The following ALMS1 variants were observed in gnomAD, a reference collection of about 807,000 sequenced individuals.
ALMS1 encodes the protein centrosome-associated protein ALMS1.
Under a neutral mutation model 352.2 loss-of-function variants are expected in ALMS1, and 271 were observed. The observed-to-expected ratio is 0.77, with a 90% CI of 0.70 to 0.85. The LOEUF is 0.85. ALMS1 is among the 40% of genes least tolerant of loss of function. ALMS1 has a pLI of 0.00. For synonymous variants in ALMS1, 1,865 were observed against 1,761.2 expected (o/e 1.06, Z -1.48); for missense variants, 5,445 against 4,870.7 (o/e 1.12, Z -3.51).
chr2:73,449,518 A>G lies in ALMS1; in HGVS notation c.2991A>G (p.Thr997=), dbSNP rs774887152. 1 of 1,614,072 alleles carries G rather than the reference A, an allele frequency of 6.2e-7. No homozygotes were observed. The change falls in exon 8 of 23, where the codon ACA becomes ACG. Residue 997 remains threonine, a synonymous_variant. Coordinates refer to ENST00000613296, the MANE Select transcript of ALMS1 (RefSeq NM_001378454.1). ...ACCAGAAGACTGTCCCAACACCAAC[A>G]GTACCTTCAGGTTCCTTCTCACATA... ...LTDQKTVPTP[T]VPSGSFSHRE...
chr2:73,511,447 G>A (rs951190350), intron 10 of ALMS1, among the ~76,000 whole-genome samples: 24 of 151,912 alleles, frequency 1.6e-4, no homozygotes, highest in Admixed American at 9.2e-4. Flanking sequence ...TGTGCTTCCC[G>A]AATGAGGCGA....
At chr2:73,440,661 G>T (rs1483600496) in intron 7 of ALMS1, among the ~76,000 whole-genome samples, 1 of 152,136 alleles carries the variant, frequency 6.6e-6, no homozygotes, top group Non-Finnish European at 1.5e-5. Context: ...CTGACCTTAA[G>T]TGATCCACCC....
chr2:73,397,807 A>C (rs1572898825), intron 1 of ALMS1, among the ~76,000 whole-genome samples: 1 of 152,164 alleles, frequency 6.6e-6, no homozygotes, highest in Admixed American at 6.5e-5. Context: ...TCACAGCCAC[A>C]TTGAATGGGC....
chr2:73,541,666 T>TA (rs1467999794), intron 12 of ALMS1, among the ~76,000 whole-genome samples: 1 of 151,762 alleles, frequency 6.6e-6, no homozygotes. Context: ...ATAGACGCAA[T>TA]AAAAAATGAT....
chr2:73,393,497 T>C (rs1488269829), intron 1 of ALMS1, among the ~76,000 whole-genome samples: 1 of 152,158 alleles, frequency 6.6e-6, no homozygotes, highest in Non-Finnish European at 1.5e-5. Flanking sequence ...TTTTAGTGTA[T>C]CCATCACTGG....
At chr2:73,417,578 A>G (rs1553399767) in intron 2 of ALMS1, among the ~76,000 whole-genome samples, 1 of 152,036 alleles carries the variant, frequency 6.6e-6, no homozygotes, top group Non-Finnish European at 1.5e-5. Flanking sequence ...ATATAAAGAA[A>G]TTTTGTGACT....
At chr2:73,594,194 A>C (rs1026187209) in intron 16 of ALMS1, among the ~76,000 whole-genome samples, 1 of 152,216 alleles carries the variant, frequency 6.6e-6, no homozygotes, top group East Asian at 1.9e-4. Context: ...CACCAGCAGT[A>C]TGTGAGGGTT....
At chr2:73,484,401 C>T (rs1414858664) in intron 9 of ALMS1, among the ~76,000 whole-genome samples, 4 of 150,992 alleles carry the variant, frequency 2.6e-5, no homozygotes, top group East Asian at 3.9e-4. Flanking sequence ...GAATATTGGC[C>T]CCCACTCTCT....
chr2:73,481,654 A>G (rs1672706034), intron 9 of ALMS1, among the ~76,000 whole-genome samples: 2 of 150,280 alleles, frequency 1.3e-5, no homozygotes, highest in Admixed American at 1.4e-4. Context: ...TTGAATCTGT[A>G]AGTTACCTTG....
intron 16 of ALMS1, among the ~76,000 whole-genome samples, chr2:73,589,551 C>A (rs1053545482): frequency 6.6e-6 from 1 of 152,164 alleles, no homozygotes; most frequent in African/African-American, 2.4e-5. Context: ...TACATGAGTT[C>A]TTACAAAATA....
At chr2:73,499,576 A>G (rs1264481079) in intron 10 of ALMS1, among the ~76,000 whole-genome samples, 3 of 152,162 alleles carry the variant, frequency 2.0e-5, no homozygotes, top group Admixed American at 1.3e-4. Flanking sequence ...GCATGTAAGT[A>G]TCCAGTTTTC....
intron 1 of ALMS1, among the ~76,000 whole-genome samples, chr2:73,396,162 T>G (rs1670755454): frequency 6.6e-6 from 1 of 152,156 alleles, no homozygotes; most frequent in Non-Finnish European, 1.5e-5. Context: ...CCCTAATTTC[T>G]TAAGTGTTTT....
chr2:73,506,130 C>G (rs1284074295), intron 10 of ALMS1, among the ~76,000 whole-genome samples: 4 of 152,196 alleles, frequency 2.6e-5, no homozygotes, highest in East Asian at 1.9e-4. Context: ...AGCCCCTGCT[C>G]TGTTCCATTG....
chr2:73,490,664 A>C lies in ALMS1; in HGVS notation c.8705A>C (p.Lys2902Thr). The C allele has an allele frequency of 1.9e-6, 3 of 1,614,148 alleles. No individual in the cohort carries two copies. The highest frequency in any genetic ancestry group is 2.5e-6 in the Non-Finnish European group (3 of 1,180,020). Reference protein sequence around the residue: ...KAPRADDHVRKHHSPSPQHQD... With the variant: ...KAPRADDHVRTHHSPSPQHQD... ...CCACGTGCAGATGACCATGTGAGGA[A>C]ACACCATTCTCCCTCTCCTCAACAT... The change falls in exon 10 of 23, where the codon AAA (lysine) becomes ACA (threonine). Residue 2902 changes from lysine (K) to threonine (T), a missense_variant. Coordinates refer to ENST00000613296, the MANE Select transcript of ALMS1 (RefSeq NM_001378454.1).
At position 73,601,386 on chromosome 2, in the gene ALMS1, A is replaced by G; in HGVS notation, c.12064A>G (p.Arg4022Gly). 6.2e-7 allele frequency: 1 copy of G among 1,614,124 alleles called. No homozygotes were observed. The highest frequency in any genetic ancestry group is 8.5e-7 in the Non-Finnish European group (1 of 1,179,954). ...TCGGGGCTACCTGGCAGGCCCAGGC[A>G]GAGAGGCTGGCAGAGACCTACTGAG... ...DGRGYLAGPG[R>G]EAGRDLLRPF... Residue 4022 changes from arginine to glycine, a missense_variant, in exon 19 of 23, where the codon AGA becomes GGA. Physicochemically the swap from Arg to Gly is moderately radical, Grantham distance 125 (BLOSUM62 -2). Transcript: ENST00000613296.
intron 9 of ALMS1, among the ~76,000 whole-genome samples, chr2:73,485,921 C>G (rs932078321): frequency 2.2e-4 from 34 of 152,200 alleles, no homozygotes; most frequent in African/African-American, 7.2e-4. Flanking sequence ...AATGCCTTGC[C>G]CTGCTTCGTC....
At chr2:73,420,735 C>G (rs1268340221) in intron 3 of ALMS1, among the ~76,000 whole-genome samples, 2 of 152,160 alleles carry the variant, frequency 1.3e-5, no homozygotes, top group African/African-American at 4.8e-5. Flanking sequence ...ACTCTGGCTT[C>G]TCATTTACTA....
chr2:73,411,333 G>C (rs921343717), intron 2 of ALMS1, among the ~76,000 whole-genome samples: 9 of 152,130 alleles, frequency 5.9e-5, no homozygotes, highest in African/African-American at 2.2e-4. Context: ...AGGGGCTTCA[G>C]AGGGAGCATG....
chr2:73,490,769 A>G lies in ALMS1; in HGVS notation c.8810A>G (p.Tyr2937Cys). 6.2e-7 allele frequency: 1 copy of G among 1,614,082 alleles called. No homozygotes were observed. The highest frequency in any genetic ancestry group is 8.5e-7 in the Non-Finnish European group (1 of 1,180,010). ...CTCTTTGAACAGTGCAAAGCCCCATATGTAGATCATCAAATGAGAGAAAAC... is the reference window on the plus strand; with the variant it reads ...CTCTTTGAACAGTGCAAAGCCCCATGTGTAGATCATCAAATGAGAGAAAAC... ...RELFEQCKAP[Y>C]VDHQMRENHS... The change falls in exon 10 of 23, where the codon TAT (tyrosine) becomes TGT (cysteine). Residue 2937 changes from tyrosine to cysteine, a missense_variant. Tyr to Cys is a radical substitution (Grantham distance 194, BLOSUM62 -2). Transcript: ENST00000613296.
Sources: allele counts gnomAD v4.1 joint callset (sites outside exome capture counted in the v4.1 genomes callset), GRCh38; gene constraint gnomAD v4.1.1; transcripts MANE v1.5; gene names NCBI Gene and HGNC (gene_info 2026-07-23, HGNC 2026-07-21).